The following PRKCE variants were observed in gnomAD, a reference collection of about 807,000 sequenced individuals.
PRKCE encodes the protein protein kinase C epsilon type.
PRKCE carries 16 observed loss-of-function variants against 85.4 expected under a neutral mutation model. The observed-to-expected ratio is 0.19, with a 90% CI of 0.13 to 0.28. The LOEUF (loss-of-function observed/expected upper bound fraction) is 0.28. Ranked by LOEUF, PRKCE falls within the 10% of genes least tolerant of loss-of-function variation. PRKCE has a pLI of 1.00. For missense variants in PRKCE, 573 were observed against 975.2 expected, an observed-to-expected ratio of 0.59 and a Z score of 5.49; for synonymous variants, 388 against 371.5, an observed-to-expected ratio of 1.04 and a Z score of -0.51.
chr2:46,131,079 G>T (rs1046372873), intron 11 of PRKCE, among the ~76,000 whole-genome samples: 6 of 152,164 alleles, frequency 3.9e-5, no homozygotes, highest in African/African-American at 1.2e-4. Context: ...GGATAAATCC[G>T]GCTGGTGACC....
intron 2 of PRKCE, among the ~76,000 whole-genome samples, chr2:45,970,872 A>G (rs1282379488): frequency 1.3e-5 from 2 of 149,662 alleles, no homozygotes; most frequent in Non-Finnish European, 3.0e-5. Context: ...TATATACTAT[A>G]CTATATTATG....
chr2:45,807,038 C>T (rs990222247), intron 1 of PRKCE, among the ~76,000 whole-genome samples: 4 of 152,172 alleles, frequency 2.6e-5, no homozygotes, highest in Admixed American at 6.5e-5. Flanking sequence ...ATAGATAGAA[C>T]AGGACAGGCT....
chr2:46,159,484 G>A lies in PRKCE; in HGVS notation c.1921-122G>A, dbSNP rs1029360850. On this transcript the variant is annotated intron_variant, in intron 13 of 14. Coordinates refer to ENST00000306156, the MANE Select transcript of PRKCE (RefSeq NM_005400.3). This position sits in a 1 kb window ranked among gnomAD's most constrained non-coding sequence, Gnocchi z 4.1. ...CCCAACAGATGTGGCCCTTGAAAGTGCAAAGAACAGACTTGGGAGGCGATG... is the reference window on the plus strand; with the variant it reads ...CCCAACAGATGTGGCCCTTGAAAGTACAAAGAACAGACTTGGGAGGCGATG... The A allele has an allele frequency of 1.9e-6, 2 of 1,047,112 alleles. No individual in the cohort carries two copies. Among genetic ancestry groups the A allele is most frequent in the Non-Finnish European group, 2.7e-6 (2 of 741,220 alleles). The allele number at this position is 1,047,112 out of a possible 1,614,324, so 64.9% of individuals were successfully genotyped here.
At chr2:45,714,906 G>A (rs1486577196) in intron 1 of PRKCE, among the ~76,000 whole-genome samples, 2 of 152,228 alleles carry the variant, frequency 1.3e-5, no homozygotes, top group African/African-American at 2.4e-5. Flanking sequence ...GGGTAAGCTG[G>A]TTGCAGCCTC....
At chr2:45,859,830 G>T (rs761099454) in intron 2 of PRKCE, among the ~76,000 whole-genome samples, 2 of 152,104 alleles carry the variant, frequency 1.3e-5, no homozygotes, top group Non-Finnish European at 2.9e-5. Context: ...GGGCCAATGA[G>T]TATACTGATG....
rs191197308 is a variant in PRKCE at position 45,810,230 on chromosome 2, G to A, written c.349-32770G>A. Among the ~76,000 whole-genome samples the A allele has an allele frequency of 3.3e-3, 508 of 151,748 alleles. 2 individuals are homozygous for A. Among genetic ancestry groups the A allele is most frequent in the African/African-American group, 0.012 (485 of 41,402 alleles). The stretch of plus-strand genomic sequence containing the variant: ...TAATTTTTGTATTTTTAGTAGAGAC[G>A]GGGTTTCACCATGTTGGCCAGGCTG... On this transcript the variant is annotated intron_variant, in intron 1 of 14. Coordinates refer to ENST00000306156, the MANE Select transcript of PRKCE (RefSeq NM_005400.3).
chr2:45,663,021 C>T (rs993221265), intron 1 of PRKCE, among the ~76,000 whole-genome samples: 30 of 152,214 alleles, frequency 2.0e-4, no homozygotes, highest in Admixed American at 4.6e-4. Context: ...AATTGACCAG[C>T]GTTTGCCAGA....
At chr2:45,760,105 C>T (rs887118702) in intron 1 of PRKCE, among the ~76,000 whole-genome samples, 3 of 152,074 alleles carry the variant, frequency 2.0e-5, no homozygotes, top group South Asian at 2.1e-4. Context: ...GTGAGGTGAT[C>T]AGGGAAGGTT....
At chr2:45,921,605 A>ACC (rs1698255046) in intron 2 of PRKCE, among the ~76,000 whole-genome samples, 1 of 152,168 alleles carries the variant, frequency 6.6e-6, no homozygotes, top group Non-Finnish European at 1.5e-5. Context: ...GAGCTGGGTA[A>ACC]ACTGACAGGG....
At chr2:45,971,166 C>G (rs892251829) in intron 2 of PRKCE, among the ~76,000 whole-genome samples, 41 of 152,090 alleles carry the variant, frequency 2.7e-4, no homozygotes, top group Admixed American at 1.8e-3. Flanking sequence ...CTAGTATCTC[C>G]CTGATTCCTC....
intron 10 of PRKCE, among the ~76,000 whole-genome samples, chr2:46,026,649 G>C (rs1196470757): frequency 6.6e-6 from 1 of 152,098 alleles, no homozygotes; most frequent in Non-Finnish European, 1.5e-5. Flanking sequence ...GACATTTTAG[G>C]GATGTTTTTG....
At chr2:45,980,233 A>T in intron 4 of PRKCE, 63 bp from the exon 5 acceptor site, 10 of 1,527,390 alleles carry the variant, frequency 6.5e-6, no homozygotes, top group Non-Finnish European at 8.1e-6. Flanking sequence ...CCCTGAATAG[A>T]TCCTGGGAGG....
At chr2:45,891,081 T>C (rs1695687980) in intron 2 of PRKCE, among the ~76,000 whole-genome samples, 1 of 152,150 alleles carries the variant, frequency 6.6e-6, no homozygotes, top group Non-Finnish European at 1.5e-5. Flanking sequence ...GGGTTTGATA[T>C]TGTGGTTAGT....
chr2:46,143,378 CT>C (rs1211919384), intron 11 of PRKCE, among the ~76,000 whole-genome samples: 1 of 152,122 alleles, frequency 6.6e-6, no homozygotes, highest in African/African-American at 2.4e-5. Flanking sequence ...CAGCTGTCAG[CT>C]TCTCAAGGAC....
At chr2:45,665,770 T>C (rs1233151140) in intron 1 of PRKCE, among the ~76,000 whole-genome samples, 1 of 152,222 alleles carries the variant, frequency 6.6e-6, no homozygotes, top group East Asian at 1.9e-4. Flanking sequence ...TTGTTGTTCA[T>C]ATGCAATTCA....
intron 2 of PRKCE, among the ~76,000 whole-genome samples, chr2:45,901,230 A>C (rs535594485): frequency 6.6e-6 from 1 of 152,366 alleles, no homozygotes; most frequent in South Asian, 2.1e-4. Context: ...TTGTGCTTAC[A>C]AAACCGTCTG....
At chr2:45,662,920 A>G (rs1675742867) in intron 1 of PRKCE, among the ~76,000 whole-genome samples, 2 of 152,140 alleles carry the variant, frequency 1.3e-5, no homozygotes, top group South Asian at 4.1e-4. Flanking sequence ...AGGTGTATGA[A>G]CCTATCTCCC....
At position 45,937,321 on chromosome 2, in the gene PRKCE, C is replaced by T. The variant is rs182598029; in HGVS notation, c.413-39108C>T. On this transcript the variant is annotated intron_variant, in intron 2 of 14. Coordinates refer to ENST00000306156, the MANE Select transcript of PRKCE (RefSeq NM_005400.3). ...CACTCCCAGAATACACTTAGGACTC[C>T]CTGTGTCTCCTTCTGAGGGTGACCT... Among the ~76,000 whole-genome samples, 8 of 152,314 alleles carry T rather than the reference C, an allele frequency of 5.3e-5. No individual in the cohort carries two copies. The East Asian group carries it at 1.3e-3, about 26-fold the overall frequency.
intron 1 of PRKCE, among the ~76,000 whole-genome samples, chr2:45,690,473 A>G (rs548054561): frequency 6.6e-6 from 1 of 152,332 alleles, no homozygotes; most frequent in African/African-American, 2.4e-5. Flanking sequence ...CACAGTGGAG[A>G]CAGGCCTCTT....
Sources: allele counts gnomAD v4.1 joint callset (sites outside exome capture counted in the v4.1 genomes callset), GRCh38; gene constraint gnomAD v4.1.1; non-coding constraint Gnocchi (gnomAD v3.1); transcripts MANE v1.5; gene names NCBI Gene and HGNC (gene_info 2026-07-23, HGNC 2026-07-21).